The following MMP26 variants were observed in gnomAD, a reference collection of about 807,000 sequenced individuals.
The protein encoded by MMP26 is matrix metalloproteinase-26.
A neutral mutation model predicts 31.0 loss-of-function variants in MMP26; 33 were observed. The observed-to-expected ratio is 1.06, with a 90% CI of 0.81 to 1.42. The LOEUF (loss-of-function observed/expected upper bound fraction) is 1.42, where lower values mean the gene tolerates loss of function less well. Ranked by LOEUF, MMP26 falls within the 40% of genes most tolerant of loss-of-function variation. The probability of loss-of-function intolerance (pLI) is 0.00; values close to 1 mark genes in which losing one functional copy is unlikely to be tolerated. For missense variants in MMP26, 347 were observed against 316.1 expected (o/e 1.10, Z -0.74); for synonymous variants, 122 against 114.9 (o/e 1.06, Z -0.40).
chr11:4,790,284 G>A (rs1298404598), intron 2 of MMP26, among the ~76,000 whole-genome samples: 4 of 152,112 alleles, frequency 2.6e-5, no homozygotes, highest in East Asian at 1.9e-4. Context: ...CGGAGGCTGC[G>A]GTGAGCCAAG....
intron 2 of MMP26, among the ~76,000 whole-genome samples, chr11:4,810,634 T>C (rs1343730965): frequency 1.3e-5 from 2 of 152,232 alleles, no homozygotes; most frequent in Non-Finnish European, 2.9e-5. Flanking sequence ...TATCAGTGTT[T>C]ACTAAGGTAG....
intron 2 of MMP26, among the ~76,000 whole-genome samples, chr11:4,987,578 C>T (rs1033787453): frequency 6.6e-6 from 1 of 151,996 alleles, no homozygotes; most frequent in South Asian, 2.1e-4. Context: ...ACCACCACAC[C>T]CGGCTAATTT....
intron 1 of MMP26, among the ~76,000 whole-genome samples, chr11:4,755,181 C>G (rs1301149532): frequency 6.6e-6 from 1 of 151,750 alleles, no homozygotes; most frequent in Non-Finnish European, 1.5e-5. Context: ...TTAATCGGCA[C>G]TATCTGAAAG....
chr11:4,927,723 G>A (rs779374977), intron 2 of MMP26, among the ~76,000 whole-genome samples: 9 of 152,094 alleles, frequency 5.9e-5, no homozygotes, highest in African/African-American at 1.9e-4. Context: ...AGACTATTCC[G>A]TTTAGACTCA....
At chr11:4,759,259 G>A (rs1252496017) in intron 1 of MMP26, among the ~76,000 whole-genome samples, 1 of 151,820 alleles carries the variant, frequency 6.6e-6, no homozygotes, top group African/African-American at 2.4e-5. Flanking sequence ...TGTTATTAAT[G>A]TCAACAAAGA....
At chr11:4,961,807 A>G (rs991894140) in intron 2 of MMP26, among the ~76,000 whole-genome samples, 26 of 152,218 alleles carry the variant, frequency 1.7e-4, no homozygotes, top group African/African-American at 6.3e-4. Context: ...TTTCTGAATT[A>G]TGGTATTCGG....
At chr11:4,749,992 A>G (rs1392113882) in intron 1 of MMP26, among the ~76,000 whole-genome samples, 1 of 152,124 alleles carries the variant, frequency 6.6e-6, no homozygotes, top group African/African-American at 2.4e-5. Flanking sequence ...GAGTGAACAG[A>G]TAACTTGCAG....
At chr11:4,896,461 A>G (rs745963341) in intron 2 of MMP26, among the ~76,000 whole-genome samples, 1 of 152,202 alleles carries the variant, frequency 6.6e-6, no homozygotes, top group Non-Finnish European at 1.5e-5. Context: ...GGTCAGGATC[A>G]GATCACAGCT....
chr11:4,933,378 T>C (rs1851378715), intron 2 of MMP26, among the ~76,000 whole-genome samples: 2 of 152,088 alleles, frequency 1.3e-5, no homozygotes, highest in Admixed American at 6.6e-5. Context: ...CATCAAATAA[T>C]TGTTTAAGGT....
rs986580512 is a variant in MMP26, at chr11:4,791,198, G to A, written c.-145+23857G>A. On this transcript the variant is annotated intron_variant, in intron 2 of 7. Coordinates refer to ENST00000380390, the MANE Select transcript of MMP26 (RefSeq NM_021801.5). ...CACAGGAGGCTAAATAGATTCAAAT[G>A]CCTGCAATGCAGTCAAGTACAGTGG... Among the ~76,000 whole-genome samples, 6 of 152,188 alleles carry A rather than the reference G, an allele frequency of 3.9e-5. No homozygotes were observed. The East Asian group carries it at 1.2e-3, about 29-fold the overall frequency.
At position 4,803,585 on chromosome 11, in the gene MMP26, G is replaced by T. The variant is rs186758176; in HGVS notation, c.-145+36244G>T. On this transcript the variant is annotated intron_variant, in intron 2 of 7. Coordinates refer to ENST00000380390, the MANE Select transcript of MMP26 (RefSeq NM_021801.5). ...ACTCGGGGCACATCATGGCCAAAGC[G>T]GTAGGTGAGGAAAGAAAAAAGGGCT... The T allele has an allele frequency of 2.5e-6, 4 of 1,613,838 alleles. No homozygotes were observed. The African/African-American group carries it at 4.0e-5, about 16-fold the overall frequency.
intron 1 of MMP26, chr11:4,737,158 A>G (rs1220955110): frequency 1.3e-5 from 2 of 152,244 alleles, no homozygotes; most frequent in Non-Finnish European, 2.9e-5. Flanking sequence ...GAGAAATGAT[A>G]AAACCATTCA....
At chr11:4,731,270 T>A (rs1848169794) in intron 1 of MMP26, among the ~76,000 whole-genome samples, 1 of 151,992 alleles carries the variant, frequency 6.6e-6, no homozygotes, top group Non-Finnish European at 1.5e-5. Flanking sequence ...CCACTTTGGG[T>A]TTTAGAGATG....
intron 2 of MMP26, chr11:4,822,514 AT>A: frequency 1.3e-6 from 1 of 773,868 alleles, no homozygotes; most frequent in Non-Finnish European, 1.8e-6. Context: ...TATTTAGTCA[AT>A]TTCTTTGTCA....
intron 2 of MMP26, among the ~76,000 whole-genome samples, chr11:4,811,195 T>C (rs1849344839): frequency 6.6e-6 from 1 of 152,238 alleles, no homozygotes; most frequent in African/African-American, 2.4e-5. Context: ...CTTTTTCTTT[T>C]AATGTTTCCT....
chr11:4,860,211 C>T (rs985194623), intron 2 of MMP26: 1 of 470,942 alleles, frequency 2.1e-6, no homozygotes, highest in African/African-American at 2.0e-5. Flanking sequence ...AGGCCATGGA[C>T]ACTAGGACTC....
chr11:4,982,704 T>A (rs1846831474), intron 2 of MMP26, among the ~76,000 whole-genome samples: 1 of 152,170 alleles, frequency 6.6e-6, no homozygotes, highest in South Asian at 2.1e-4. Context: ...TTACAAGAGG[T>A]AAAGGGTATA....
intron 2 of MMP26, among the ~76,000 whole-genome samples, chr11:4,810,508 T>C (rs1382804690): frequency 6.6e-6 from 1 of 152,208 alleles, no homozygotes; most frequent in East Asian, 1.9e-4. Flanking sequence ...ACACATTCTG[T>C]GAAGGCACAT....
rs1369854312 is a variant in MMP26, at chr11:4,954,679, G to T, written c.-144-33389G>T. ...AAGTCTGTGATAACGATAAAAATAT[G>T]TGTTGATAATTCTTGGTGTCAAATA... On this transcript the variant is annotated intron_variant, in intron 2 of 7. Coordinates refer to ENST00000380390, the MANE Select transcript of MMP26 (RefSeq NM_021801.5). 6 of 662,014 alleles carry T rather than the reference G, an allele frequency of 9.1e-6. 1 individual carries two copies. The highest frequency in any genetic ancestry group is 3.0e-5 in the Admixed American group (1 of 33,166). 41.0% of individuals were successfully genotyped at this position (662,014 alleles called of 1,614,324 possible). A position where few individuals can be genotyped will look rare whatever the true frequency, so the allele number is the denominator to read the frequency against.
Sources: gnomAD v4.1 joint callset for allele counts (sites outside exome capture counted in the v4.1 genomes callset) on GRCh38, gnomAD v4.1.1 for gene constraint, MANE v1.5 for transcripts, NCBI Gene and HGNC (gene_info 2026-07-23, HGNC 2026-07-21) for gene names.